Variants in MZT2B observed in about 807,000 individuals in gnomAD.
MZT2B encodes the protein mitotic-spindle organizing protein 2B.
In MZT2B, 11 loss-of-function variants were observed where a neutral mutation model predicts 12.1. That is an observed-to-expected ratio of 0.91 (90% CI 0.57 to 1.50). MZT2B has a LOEUF of 1.50. Ranked by LOEUF, MZT2B falls within the 40% of genes most tolerant of loss-of-function variation. The pLI is 0.00. For missense variants in MZT2B, 209 were observed against 227.7 expected (o/e 0.92, Z 0.53); for synonymous variants, 85 against 109.5 (o/e 0.78, Z 1.40).
chr2:130,191,366 A>G (rs1410442742), downstream of MZT2B, among the ~76,000 whole-genome samples: 1 of 139,730 alleles, frequency 7.2e-6, no homozygotes, highest in African/African-American at 3.3e-5. Context: ...TTCCCCCTCT[A>G]AAATGTCCTG....
intron 2 of MZT2B, chr2:130,184,113 G>C (rs1214987107): frequency 1.3e-6 from 2 of 1,529,446 alleles, no homozygotes; most frequent in African/African-American, 1.4e-5. Context: ...CACAGGGCAC[G>C]ATTTCTGACT....
chr2:130,199,843 C>T, the MZT2B span, among the ~76,000 whole-genome samples: 7 of 151,178 alleles, frequency 4.6e-5, no homozygotes, highest in African/African-American at 1.7e-4. Context: ...CACCTGTAAT[C>T]CCAACACTTT....
chr2:130,182,249 C>CG (rs995606062), upstream of MZT2B: 728 of 1,241,698 alleles, frequency 5.9e-4, 5 homozygotes, highest in African/African-American at 1.3e-4. Context: ...GGGGGCGCGG[C>CG]GGGGCGGAGC....
chr2:130,182,492 C>T, intron 1 of MZT2B, 40 bp downstream of exon 1: 2 of 1,540,864 alleles, frequency 1.3e-6, no homozygotes, highest in Non-Finnish European at 1.8e-6. Flanking sequence ...AGCCAGACAC[C>T]CCCCGACCTC....
chr2:130,185,776 T>C (rs1331373436), intron 2 of MZT2B, among the ~76,000 whole-genome samples: 1 of 143,160 alleles, frequency 7.0e-6, no homozygotes, highest in Non-Finnish European at 1.5e-5. Context: ...GGGGGTGCTG[T>C]GTGAGCGAAT....
chr2:130,198,111 G>A, the MZT2B span, among the ~76,000 whole-genome samples: 54 of 122,910 alleles, frequency 4.4e-4, 8 homozygotes, highest in African/African-American at 1.3e-3. Flanking sequence ...CTCTCTGGGG[G>A]ACGGGATACC....
the MZT2B span, among the ~76,000 whole-genome samples, chr2:130,199,189 G>A: frequency 8.3e-6 from 1 of 120,774 alleles, no homozygotes; most frequent in East Asian, 2.7e-4. Context: ...ACTCCAGCCT[G>A]GGCAACAGAG....
Position 130,186,437 on chromosome 2 carries a change from A to C in MZT2B, c.319+3662A>C, listed in dbSNP as rs929758489. ...GAGTCATTGAGGGAAAAATAAATTC[A>C]GTCAAGCGTTCTATTTAAGTTTAGA... On this transcript the variant is annotated intron_variant, in intron 2 of 2. Coordinates refer to ENST00000281871, the MANE Select transcript of MZT2B (RefSeq NM_025029.5). Among the ~76,000 whole-genome samples, 79 of 152,236 alleles carry C rather than the reference A, an allele frequency of 5.2e-4. 1 individual carries two copies. Among genetic ancestry groups the C allele is most frequent in the Admixed American group, 2.4e-3 (36 of 15,284 alleles).
chr2:130,186,758 TAGC>T (rs1388851122), intron 2 of MZT2B, among the ~76,000 whole-genome samples: 1 of 151,984 alleles, frequency 6.6e-6, no homozygotes, highest in Admixed American at 6.6e-5. Context: ...ACACAAAAAT[TAGC>T]AGGGCATGGT....
the MZT2B span, chr2:130,202,350 G>A: frequency 7.7e-7 from 1 of 1,290,336 alleles, no homozygotes; most frequent in Non-Finnish European, 1.0e-6. Context: ...TGAGGACAAG[G>A]CGGCGCCTCG....
At chr2:130,202,731 G>A in the MZT2B span, among the ~76,000 whole-genome samples, 8 of 152,162 alleles carry the variant, frequency 5.3e-5, no homozygotes, top group African/African-American at 1.9e-4. Context: ...GTTCAACCCC[G>A]CAGAGTAAGC....
At chr2:130,182,134 C>T (rs1689710239), upstream of MZT2B, 3 of 1,256,754 alleles carry the variant, frequency 2.4e-6, no homozygotes, top group African/African-American at 1.6e-5. Context: ...GCTTCAATGA[C>T]GCCGCGGAGG....
At chr2:130,191,666 A>G, downstream of MZT2B, 1 of 1,292,096 alleles carries the variant, frequency 7.7e-7, no homozygotes, top group Non-Finnish European at 1.0e-6. Context: ...GCAGGCTGGC[A>G]CCCCACCGCT....
At chr2:130,193,963 A>G (rs1161572296), downstream of MZT2B, 14 of 1,614,212 alleles carry the variant, frequency 8.7e-6, no homozygotes, top group Non-Finnish European at 1.2e-5. Context: ...CGAAGCAGGC[A>G]TTGGTGATCT....
downstream of MZT2B, among the ~76,000 whole-genome samples, chr2:130,194,857 T>C (rs1690365087): frequency 2.0e-5 from 3 of 152,254 alleles, no homozygotes; most frequent in Middle Eastern, 3.4e-3. Flanking sequence ...TTCGTATTTT[T>C]AGTAGACATA....
intron 1 of MZT2B, 21 bp downstream of exon 1, chr2:130,182,473 C>T (rs1298723412): frequency 1.9e-6 from 3 of 1,541,596 alleles, no homozygotes; most frequent in Non-Finnish European, 1.7e-6. Context: ...CGGGTGGGGG[C>T]CGCATGCTAG....
At chr2:130,203,048 C>CTTTTCTTTTTT in the MZT2B span, among the ~76,000 whole-genome samples, 1 of 118,528 alleles carries the variant, frequency 8.4e-6, no homozygotes, top group African/African-American at 3.0e-5. Flanking sequence ...TTTCTTTTTT[C>CTTTTCTTTTTT]TTTTTTTTTT....
the MZT2B span, chr2:130,198,333 G>A: frequency 6.6e-5 from 89 of 1,353,234 alleles, 27 homozygotes; most frequent in East Asian, 2.0e-3. Flanking sequence ...GGGCATCTGC[G>A]GGGCGGGAGT....
At chr2:130,184,036 G>A (rs1372005285) in intron 2 of MZT2B, 21 of 1,550,256 alleles carry the variant, frequency 1.4e-5, no homozygotes, top group Non-Finnish European at 1.7e-5. Flanking sequence ...CCTGGCCCCA[G>A]GAGGCCCAAG....
Sources: gnomAD v4.1 joint callset for allele counts (sites outside exome capture counted in the v4.1 genomes callset) on GRCh38, gnomAD v4.1.1 for gene constraint, MANE v1.5 for transcripts, NCBI Gene and HGNC (gene_info 2026-07-23, HGNC 2026-07-21) for gene names.